The following TRABD2B variants were observed in gnomAD, a reference collection of about 807,000 sequenced individuals.
TRABD2B encodes the protein metalloprotease TIKI2.
A neutral mutation model predicts 40.1 loss-of-function variants in TRABD2B; 14 were observed. The observed-to-expected ratio is 0.35, with a 90% confidence interval of 0.23 to 0.55. The LOEUF (loss-of-function observed/expected upper bound fraction) is 0.55. TRABD2B is among the 20% of genes least tolerant of loss of function. TRABD2B has a pLI of 0.90. For missense variants in TRABD2B, 541 were observed against 648.6 expected, an observed-to-expected ratio of 0.83 and a Z score of 1.80; for synonymous variants, 263 against 277.0, an observed-to-expected ratio of 0.95 and a Z score of 0.50.
intron 2 of TRABD2B, among the ~76,000 whole-genome samples, chr1:47,823,428 A>C: frequency 6.6e-6 from 1 of 152,240 alleles, no homozygotes; most frequent in East Asian, 1.9e-4. Context: ...CTACAGAGGC[A>C]AGCCCCTCCG....
At chr1:47,993,509 C>G (rs1646043131) in intron 2 of TRABD2B, among the ~76,000 whole-genome samples, 1 of 152,206 alleles carries the variant, frequency 6.6e-6, no homozygotes, top group Non-Finnish European at 1.5e-5. Flanking sequence ...GAGCTTTGCA[C>G]AGAGCCGGGA....
chr1:47,788,337 C>G (rs997784889), intron 4 of TRABD2B, among the ~76,000 whole-genome samples: 1 of 152,184 alleles, frequency 6.6e-6, no homozygotes, highest in Non-Finnish European at 1.5e-5. Context: ...TTCTGTGTCC[C>G]AGCTTCACAG....
chr1:47,951,608 G>C (rs1408948907), intron 2 of TRABD2B, among the ~76,000 whole-genome samples: 3 of 152,210 alleles, frequency 2.0e-5, no homozygotes, highest in African/African-American at 7.2e-5. Flanking sequence ...GGCACAGCTG[G>C]TTGGCTGTGC....
chr1:47,858,085 T>C (rs896848117), intron 2 of TRABD2B, among the ~76,000 whole-genome samples: 5 of 152,018 alleles, frequency 3.3e-5, no homozygotes, highest in Non-Finnish European at 5.9e-5. Flanking sequence ...AATTTATAAA[T>C]CAAACTTTAT....
chr1:47,897,534 G>T (rs1644540555), intron 2 of TRABD2B, among the ~76,000 whole-genome samples: 1 of 152,184 alleles, frequency 6.6e-6, no homozygotes, highest in South Asian at 2.1e-4. Context: ...TTTTTGATGT[G>T]TTTTGGTAAA....
At chr1:47,833,364 A>C (rs984911418) in intron 2 of TRABD2B, among the ~76,000 whole-genome samples, 2 of 152,232 alleles carry the variant, frequency 1.3e-5, no homozygotes, top group Non-Finnish European at 2.9e-5. Context: ...AGCAGGTCAA[A>C]AGGTGCAGCC....
At chr1:47,787,889 T>C (rs1375138038) in intron 4 of TRABD2B, among the ~76,000 whole-genome samples, 2 of 152,144 alleles carry the variant, frequency 1.3e-5, no homozygotes, top group African/African-American at 4.8e-5. Context: ...AGCAAAATCC[T>C]GGAGGCCTAT....
intron 2 of TRABD2B, among the ~76,000 whole-genome samples, chr1:47,860,836 G>C (rs1643956471): frequency 1.3e-5 from 2 of 152,150 alleles, no homozygotes; most frequent in Non-Finnish European, 2.9e-5. Context: ...GCCTGCTCCT[G>C]TTCTGTCTGC....
At chr1:47,801,397 G>A (rs1188930631) in intron 3 of TRABD2B, 76 bp downstream of exon 3, 37 of 1,414,458 alleles carry the variant, frequency 2.6e-5, no homozygotes, top group Non-Finnish European at 7.6e-6. Flanking sequence ...TGGCTGGAGA[G>A]AAGATTACCT....
At chr1:47,859,555 C>T (rs1643935557) in intron 2 of TRABD2B, among the ~76,000 whole-genome samples, 2 of 152,252 alleles carry the variant, frequency 1.3e-5, no homozygotes, top group Admixed American at 6.5e-5. Context: ...CTTTCTGCAG[C>T]AGCCCCTTTC....
chr1:47,959,138 GA>G (rs1437575811), intron 2 of TRABD2B, among the ~76,000 whole-genome samples: 2 of 152,164 alleles, frequency 1.3e-5, no homozygotes, highest in African/African-American at 4.8e-5. Context: ...AATGAAGGCA[GA>G]AATAAAGATG....
chr1:47,933,467 A>G (rs1364507017), intron 2 of TRABD2B, among the ~76,000 whole-genome samples: 1 of 152,172 alleles, frequency 6.6e-6, no homozygotes, highest in Non-Finnish European at 1.5e-5. Flanking sequence ...AGTTTCTGAT[A>G]GTCTCACATA....
At chr1:47,963,771 G>A (rs1198763047) in intron 2 of TRABD2B, among the ~76,000 whole-genome samples, 1 of 152,184 alleles carries the variant, frequency 6.6e-6, no homozygotes, top group Non-Finnish European at 1.5e-5. Flanking sequence ...GTCCTATGAA[G>A]TTTCAAACAC....
intron 2 of TRABD2B, among the ~76,000 whole-genome samples, chr1:47,951,094 C>A (rs1048751019): frequency 2.0e-5 from 3 of 152,206 alleles, no homozygotes; most frequent in Non-Finnish European, 4.4e-5. Context: ...GCATGGTAAG[C>A]CAGGCTGGAC....
chr1:47,788,560 C>A (rs988148761), intron 4 of TRABD2B, among the ~76,000 whole-genome samples: 1 of 152,128 alleles, frequency 6.6e-6, no homozygotes, highest in Non-Finnish European at 1.5e-5. Context: ...AGCAGTCCTG[C>A]GAAGAGTGAT....
At chr1:47,840,434 A>G (rs1333089196) in intron 2 of TRABD2B, among the ~76,000 whole-genome samples, 2 of 152,182 alleles carry the variant, frequency 1.3e-5, no homozygotes, top group African/African-American at 4.8e-5. Flanking sequence ...AAATCCCCTG[A>G]GTCTTCCTCT....
At chr1:47,938,745 C>T (rs1645146195) in intron 2 of TRABD2B, among the ~76,000 whole-genome samples, 1 of 152,138 alleles carries the variant, frequency 6.6e-6, no homozygotes, top group South Asian at 2.1e-4. Context: ...GCAGGAAGCA[C>T]ACAACATTTG....
chr1:47,961,129 T>C (rs1048567076), intron 2 of TRABD2B, among the ~76,000 whole-genome samples: 5 of 152,316 alleles, frequency 3.3e-5, no homozygotes, highest in African/African-American at 1.2e-4. Flanking sequence ...CCCTATTTAA[T>C]AAATGGTGCT....
At chr1:47,840,716 C>T (rs1293968333) in intron 2 of TRABD2B, among the ~76,000 whole-genome samples, 2 of 152,220 alleles carry the variant, frequency 1.3e-5, no homozygotes, top group Admixed American at 1.3e-4. Context: ...GCTCCAAACT[C>T]CCTGCTGGCA....
Sources: allele counts gnomAD v4.1 joint callset (sites outside exome capture counted in the v4.1 genomes callset), GRCh38; gene constraint gnomAD v4.1.1; transcripts MANE v1.5; gene names NCBI Gene and HGNC (gene_info 2026-07-23, HGNC 2026-07-21).